Variants in ACP6 observed in about 807,000 individuals in gnomAD.
The protein encoded by ACP6 is acid phosphatase 6, lysophosphatidic.
A neutral mutation model predicts 48.1 loss-of-function variants in ACP6; 48 were observed. The ratio of observed to expected loss-of-function variants is 1.00; its 90% CI spans 0.79 to 1.27. The LOEUF (loss-of-function observed/expected upper bound fraction) is 1.27, where lower values mean the gene tolerates loss of function less well. Ranked by LOEUF, ACP6 falls within the 50% of genes most tolerant of loss-of-function variation. The pLI, the probability that ACP6 is intolerant of heterozygous loss-of-function variation, is 0.00. For synonymous variants in ACP6, 172 were observed against 204.2 expected, an observed-to-expected ratio of 0.84 and a Z score of 1.34; for missense variants, 485 against 529.1, an observed-to-expected ratio of 0.92 and a Z score of 0.82.
chr1:147,653,828 A>T (rs1266323776), intron 6 of ACP6, among the ~76,000 whole-genome samples: 5 of 152,180 alleles, frequency 3.3e-5, no homozygotes, highest in African/African-American at 4.8e-5. Flanking sequence ...TTTTTTTAAT[A>T]TGCTGATGTA....
At chr1:147,658,113 C>T (rs1230463177) in intron 4 of ACP6, among the ~76,000 whole-genome samples, 1 of 152,218 alleles carries the variant, frequency 6.6e-6, no homozygotes, top group African/African-American at 2.4e-5. Flanking sequence ...TGTTTGTGTG[C>T]AGCAGCCAAC....
At chr1:147,654,654 C>A (rs1660144001) in intron 5 of ACP6, among the ~76,000 whole-genome samples, 1 of 152,136 alleles carries the variant, frequency 6.6e-6, no homozygotes. Flanking sequence ...GGAATAAATA[C>A]CATATAGTCT....
chr1:147,642,056 T>C (rs587622656), downstream of ACP6, among the ~76,000 whole-genome samples: 35 of 152,320 alleles, frequency 2.3e-4, no homozygotes, highest in African/African-American at 8.2e-4. Context: ...TGCCCATTTT[T>C]ACATGAGAGG....
At chr1:147,668,782 T>C (rs1299839775) in intron 1 of ACP6, among the ~76,000 whole-genome samples, 2 of 152,202 alleles carry the variant, frequency 1.3e-5, no homozygotes, top group Non-Finnish European at 2.9e-5. Context: ...GCCTTCCAAA[T>C]GTATTTATTT....
At chr1:147,650,541 C>A (rs782559259) in intron 7 of ACP6, 5 of 274,762 alleles carry the variant, frequency 1.8e-5, no homozygotes, top group Non-Finnish European at 3.4e-5. Context: ...ACCAACTAGG[C>A]CTTGGGGAAT....
intron 8 of ACP6, 73 bp from the exon 9 acceptor site, chr1:147,648,484 T>A: frequency 6.5e-7 from 1 of 1,546,398 alleles, no homozygotes; most frequent in Non-Finnish European, 8.8e-7. Flanking sequence ...CTGCCTCCTT[T>A]ACGTAAGACA....
At chr1:147,648,215 C>A in intron 9 of ACP6, 31 bp downstream of exon 9, 1 of 1,611,192 alleles carries the variant, frequency 6.2e-7, no homozygotes, top group Non-Finnish European at 8.5e-7. Flanking sequence ...GGGTGCCTCA[C>A]CACCACCCAA....
chr1:147,647,474 G>A lies in ACP6; in HGVS notation c.1236C>T (p.Tyr412=), dbSNP rs368117336. The part of the protein sequence containing the change: ...MSVYTLSPEK[Y]HALCSQTQVM... Reference sequence around the variant, plus strand: ...CCTGAGTTTGAGAGCAGAGTGCGTGGTATTTTTCTGGGCTTAAGGTATAAA... The same window carrying A: ...CCTGAGTTTGAGAGCAGAGTGCGTGATATTTTTCTGGGCTTAAGGTATAAA... Residue 412 remains tyrosine (Y), a synonymous_variant, in exon 10 of 10, where the codon TAC becomes TAT. Coordinates refer to ENST00000583509, the MANE Select transcript of ACP6 (RefSeq NM_016361.5). 6.5e-5 allele frequency: 105 copies of A among 1,614,070 alleles called. No homozygotes were observed. Among genetic ancestry groups the A allele is most frequent in the African/African-American group, 9.3e-5 (7 of 74,930 alleles).
Position 147,648,420 on chromosome 1 carries a change from G to C in ACP6, c.978-9C>G, listed in dbSNP as rs1659744844. On this transcript the variant is annotated splice_polypyrimidine_tract_variant and intron_variant, in intron 8 of 9. Transcript: ENST00000583509. ...CATAGAGATACAGCTTTCTGCAAGA[G>C]GAAACAGCTCTCCACAATTCTCTGC... is the stretch of plus-strand genomic sequence containing the variant. 2 of 1,613,862 alleles carry C rather than the reference G, an allele frequency of 1.2e-6. No homozygotes were observed. Among genetic ancestry groups the C allele is most frequent in the Admixed American group, 1.7e-5 (1 of 59,980 alleles).
chr1:147,641,458 A>G (rs995029210), downstream of ACP6, among the ~76,000 whole-genome samples: 16 of 152,206 alleles, frequency 1.1e-4, no homozygotes, highest in Non-Finnish European at 2.2e-4. Flanking sequence ...AAGATAAGCC[A>G]CGAGGCCCTC....
intron 5 of ACP6, among the ~76,000 whole-genome samples, chr1:147,635,896 C>A (rs1300182724): frequency 6.6e-6 from 1 of 152,158 alleles, no homozygotes; most frequent in Non-Finnish European, 1.5e-5. Context: ...CCTCTCCCAT[C>A]TAACTGATGA....
intron 5 of ACP6, among the ~76,000 whole-genome samples, chr1:147,634,973 T>G (rs1476788656): frequency 6.6e-6 from 1 of 152,184 alleles, no homozygotes; most frequent in Non-Finnish European, 1.5e-5. Flanking sequence ...AGAAAGGAAA[T>G]AGTTCAGCCA....
Position 147,659,653 on chromosome 1 carries a change from G to A in ACP6, c.342C>T (p.Thr114=). 1.2e-6 allele frequency: 2 copies of A among 1,614,166 alleles called. No individual in the cohort carries two copies. Among genetic ancestry groups the A allele is most frequent in the Non-Finnish European group, 1.7e-6 (2 of 1,180,020 alleles). The change falls in exon 2 of 10, where the codon ACC becomes ACT. Residue 114 remains threonine, a synonymous_variant. Transcript: ENST00000583509. The part of the protein sequence containing the change: ...SPYDSQYHET[T]LKGGMFAGQL... ...GCAAGGAAGCATTGCTCACCTTCAG[G>A]GTGGTCTCATGGTATTGAGAGTCGT...
At chr1:147,659,858 A>G in intron 1 of ACP6, 83 bp from the exon 2 acceptor site, 1 of 1,511,380 alleles carries the variant, frequency 6.6e-7, no homozygotes, top group Non-Finnish European at 8.9e-7. Context: ...CACTCAGAAC[A>G]CATGGCTGGA....
chr1:147,632,797 G>A (rs587761728), intron 5 of ACP6, among the ~76,000 whole-genome samples: 53 of 152,262 alleles, frequency 3.5e-4, no homozygotes, highest in Non-Finnish European at 5.4e-4. Flanking sequence ...CAGGCTGGAA[G>A]AGCTGACTGG....
chr1:147,639,472 C>T (rs1659392794), downstream of ACP6, among the ~76,000 whole-genome samples: 1 of 152,196 alleles, frequency 6.6e-6, no homozygotes, highest in Non-Finnish European at 1.5e-5. Context: ...CTCCCAAAAG[C>T]CCTGCTGGTT....
chr1:147,657,340 G>A (rs1423889569), intron 4 of ACP6, among the ~76,000 whole-genome samples: 2 of 152,130 alleles, frequency 1.3e-5, no homozygotes, highest in African/African-American at 4.8e-5. Context: ...TAACCACTGG[G>A]ATTTTTCTAG....
intron 5 of ACP6, among the ~76,000 whole-genome samples, chr1:147,636,039 G>C (rs1553207958): frequency 1.1e-4 from 17 of 152,102 alleles, no homozygotes; most frequent in African/African-American, 2.4e-5. Flanking sequence ...AAATACTTCT[G>C]ATCAATCAAA....
chr1:147,654,760 G>C (rs1352749583), intron 5 of ACP6, among the ~76,000 whole-genome samples: 1 of 152,204 alleles, frequency 6.6e-6, no homozygotes, highest in Non-Finnish European at 1.5e-5. Context: ...TCTGTGTCTT[G>C]TTGGGCTTGT....
Sources: gnomAD v4.1 joint callset for allele counts (sites outside exome capture counted in the v4.1 genomes callset) on GRCh38, gnomAD v4.1.1 for gene constraint, MANE v1.5 for transcripts, NCBI Gene and HGNC (gene_info 2026-07-23, HGNC 2026-07-21) for gene names.